HDAC9: variants seen among roughly 807,000 people sequenced by gnomAD.
The protein encoded by HDAC9 is histone deacetylase 9.
A neutral mutation model predicts 139.4 loss-of-function variants in HDAC9; 41 were observed. The observed-to-expected ratio is 0.29, with a 90% CI of 0.23 to 0.38. The LOEUF is 0.38. Ranked by LOEUF, HDAC9 falls within the 10% of genes least tolerant of loss-of-function variation. HDAC9 has a pLI of 1.00. For synonymous variants in HDAC9, 517 were observed against 476.2 expected (o/e 1.09, Z -1.12); for missense variants, 1,147 against 1,297.0 (o/e 0.88, Z 1.78).
intron 17 of HDAC9, among the ~76,000 whole-genome samples, chr7:18,797,490 C>T (rs535993804): frequency 3.3e-5 from 5 of 152,276 alleles, no homozygotes; most frequent in Admixed American, 1.3e-4. Context: ...GTACTTATCT[C>T]ATTCCTATAT....
rs537033538 is a variant in HDAC9, at chr7:18,221,106, C to CTTTTTTTTTTTTT, written c.25+58758_25+58770dup. Among the ~76,000 whole-genome samples the CTTTTTTTTTTTTT allele has an allele frequency of 2.2e-4, 31 of 139,650 alleles. 1 individual carries two copies. The highest frequency in any genetic ancestry group is 8.0e-4 in the African/African-American group (29 of 36,424). The allele number at this position is 139,650 out of a possible 152,430, so 91.6% of individuals were successfully genotyped here. A position where few individuals can be genotyped will look rare whatever the true frequency, so the allele number is the denominator to read the frequency against. On this transcript the variant is annotated intron_variant, in intron 2 of 12. Transcript: ENST00000417496. Reference sequence around the variant, plus strand: ...TCTATAATATTTTGCATTTCTATTCCTTTTTTTTTTTTTGTGACGGAGTTT... The same window carrying CTTTTTTTTTTTTT: ...TCTATAATATTTTGCATTTCTATTCCTTTTTTTTTTTTTTTTTTTTTTTTTTGTGACGGAGTTT...
chr7:18,861,205 A>G (rs901163237), intron 21 of HDAC9, among the ~76,000 whole-genome samples: 2 of 152,148 alleles, frequency 1.3e-5, no homozygotes, highest in African/African-American at 4.8e-5. Flanking sequence ...GACATATATA[A>G]TTACATTCTA....
chr7:18,587,927 C>A (rs1259874662), intron 3 of HDAC9, among the ~76,000 whole-genome samples: 1 of 152,112 alleles, frequency 6.6e-6, no homozygotes, highest in Non-Finnish European at 1.5e-5. Context: ...GGGTGAAGCA[C>A]CAAATTAATT....
At chr7:18,184,033 C>T (rs1789714686) in intron 2 of HDAC9, among the ~76,000 whole-genome samples, 1 of 152,164 alleles carries the variant, frequency 6.6e-6, no homozygotes, top group South Asian at 2.1e-4. Context: ...GAGTATTCCT[C>T]ATCTGACATG....
intron 4 of HDAC9, among the ~76,000 whole-genome samples, chr7:18,590,891 C>T (rs2128822756): frequency 6.6e-6 from 1 of 152,252 alleles, no homozygotes; most frequent in Admixed American, 6.5e-5. Context: ...TTTTGGCATA[C>T]TCAAACTTTG....
intron 1 of HDAC9, among the ~76,000 whole-genome samples, chr7:18,115,103 A>G (rs1783886087): frequency 6.6e-6 from 1 of 152,220 alleles, no homozygotes; most frequent in Non-Finnish European, 1.5e-5. Flanking sequence ...CATCGTGGCT[A>G]ACACGGTGAA....
At chr7:18,959,538 T>C (rs534349042) in intron 24 of HDAC9, among the ~76,000 whole-genome samples, 19 of 152,284 alleles carry the variant, frequency 1.2e-4, no homozygotes, top group Admixed American at 4.6e-4. Context: ...TTGCCTCTGA[T>C]AAGTTGAAAA....
intron 12 of HDAC9, among the ~76,000 whole-genome samples, chr7:18,683,366 C>T (rs1782027700): frequency 6.6e-6 from 1 of 152,162 alleles, no homozygotes; most frequent in East Asian, 1.9e-4. Context: ...CAGTCTTGAT[C>T]AAGATCTTCC....
intron 16 of HDAC9, among the ~76,000 whole-genome samples, chr7:18,768,403 G>A (rs548981390): frequency 9.2e-5 from 14 of 152,212 alleles, no homozygotes; most frequent in African/African-American, 2.9e-4. Context: ...CAGTGTGGCT[G>A]ATGTGGTATA....
At chr7:18,209,844 G>C (rs928939943) in intron 2 of HDAC9, among the ~76,000 whole-genome samples, 4 of 151,978 alleles carry the variant, frequency 2.6e-5, no homozygotes, top group African/African-American at 9.7e-5. Flanking sequence ...GGGACTACGG[G>C]CGCCCGCCAC....
At chr7:18,161,308 T>C (rs528170832) in intron 1 of HDAC9, among the ~76,000 whole-genome samples, 16 of 152,294 alleles carry the variant, frequency 1.1e-4, no homozygotes, top group African/African-American at 3.8e-4. Context: ...GCTTTATATA[T>C]TGGGGCAAAA....
At position 18,607,240 on chromosome 7, in the gene HDAC9, G is replaced by A. The variant is rs151018163; in HGVS notation, c.664+13211G>A. On this transcript the variant is annotated intron_variant, in intron 6 of 25. Transcript: ENST00000686413. ...TCAAATGACAATTGTGTGATAATGA[G>A]TCAGCCTTGTAAGAACTTCGAAAAT... 4.2e-3 allele frequency among the ~76,000 whole-genome samples: 638 copies of A among 152,308 alleles called. 3 individuals carry two copies. The highest frequency in any genetic ancestry group is 0.015 in the African/African-American group (609 of 41,578).
chr7:18,407,421 T>C (rs1208484535), intron 1 of HDAC9, among the ~76,000 whole-genome samples: 1 of 152,168 alleles, frequency 6.6e-6, no homozygotes, highest in Non-Finnish European at 1.5e-5. Flanking sequence ...CAAGCTACTG[T>C]AACAAATCTC....
chr7:18,400,266 C>A (rs1053081556), intron 1 of HDAC9, among the ~76,000 whole-genome samples: 1 of 152,060 alleles, frequency 6.6e-6, no homozygotes, highest in African/African-American at 2.4e-5. Flanking sequence ...TAAAAGCATG[C>A]GATGTGTAGG....
At chr7:18,087,738 G>C (rs1017020913) in intron 1 of HDAC9, 10 of 152,218 alleles carry the variant, frequency 6.6e-5, no homozygotes, top group Non-Finnish European at 1.2e-4. Flanking sequence ...GTGATGAATC[G>C]TAAGCTTATT....
At chr7:18,677,776 C>A (rs965701865) in intron 12 of HDAC9, among the ~76,000 whole-genome samples, 2 of 151,856 alleles carry the variant, frequency 1.3e-5, no homozygotes, top group African/African-American at 4.8e-5. Context: ...ATGTATGTTA[C>A]AAATAATTTC....
At chr7:18,846,866 C>A (rs1406772452) in intron 21 of HDAC9, among the ~76,000 whole-genome samples, 8 of 152,092 alleles carry the variant, frequency 5.3e-5, no homozygotes, top group African/African-American at 1.9e-4. Context: ...AGGGTCAGGC[C>A]TGAGATGAAA....
chr7:18,458,106 G>T (rs1793506930), intron 1 of HDAC9, among the ~76,000 whole-genome samples: 1 of 152,296 alleles, frequency 6.6e-6, no homozygotes, highest in East Asian at 1.9e-4. Context: ...GTGCCTTTGT[G>T]CTGACAACTC....
chr7:18,689,017 C>T (rs1225763998), intron 12 of HDAC9, among the ~76,000 whole-genome samples: 1 of 151,960 alleles, frequency 6.6e-6, no homozygotes, highest in African/African-American at 2.4e-5. Context: ...TTTATTGCTT[C>T]TGAACCTGTA....
Sources: allele counts gnomAD v4.1 joint callset (sites outside exome capture counted in the v4.1 genomes callset), GRCh38; gene constraint gnomAD v4.1.1; transcripts MANE v1.5; gene names NCBI Gene and HGNC (gene_info 2026-07-23, HGNC 2026-07-21).